The following BRAF variants were observed in gnomAD, a reference collection of about 807,000 sequenced individuals.
BRAF encodes the protein serine/threonine-protein kinase B-raf.
In BRAF, 16 loss-of-function variants were observed where a neutral mutation model predicts 104.6. That is an observed-to-expected ratio of 0.15 (90% CI 0.10 to 0.23). The LOEUF (loss-of-function observed/expected upper bound fraction) is 0.23. BRAF is among the 10% of genes least tolerant of loss of function. The pLI, the probability that BRAF is intolerant of heterozygous loss-of-function variation, is 1.00. For missense variants in BRAF, 541 were observed against 937.3 expected (o/e 0.58, Z 5.52); for synonymous variants, 310 against 341.6 (o/e 0.91, Z 1.02).
chr7:140,775,632 C>G (rs951974243), intron 14 of BRAF, among the ~76,000 whole-genome samples: 1 of 152,138 alleles, frequency 6.6e-6, no homozygotes, highest in African/African-American at 2.4e-5. Context: ...AGCCACTGTG[C>G]CTGGCCAAGA....
chr7:140,861,034 A>T (rs1810362365), intron 1 of BRAF, among the ~76,000 whole-genome samples: 1 of 152,248 alleles, frequency 6.6e-6, no homozygotes, highest in African/African-American at 2.4e-5. Flanking sequence ...ACATCTCAAA[A>T]ACATAATATT....
chr7:140,783,409 T>C (rs1801069152), intron 10 of BRAF: 1 of 365,922 alleles, frequency 2.7e-6, no homozygotes, highest in Non-Finnish European at 4.9e-6. Context: ...CTTTATTTAC[T>C]GGTGCAAAAT....
At chr7:140,782,920 T>C in intron 11 of BRAF, 101 bp downstream of exon 10, 1 of 1,350,216 alleles carries the variant, frequency 7.4e-7, no homozygotes, top group South Asian at 1.3e-5. Context: ...GGGAATTCTG[T>C]GTCACATATG....
chr7:140,808,593 AG>A (rs999001260), intron 4 of BRAF, among the ~76,000 whole-genome samples: 5 of 152,052 alleles, frequency 3.3e-5, no homozygotes, highest in South Asian at 2.1e-4. Flanking sequence ...TAAAAATGGG[AG>A]GGGGGTAAGA....
intron 13 of BRAF, among the ~76,000 whole-genome samples, chr7:140,777,384 G>T (rs1800439148): frequency 6.6e-6 from 1 of 152,152 alleles, no homozygotes; most frequent in South Asian, 2.1e-4. Context: ...CTTTATTTAA[G>T]TGGTTCTGGT....
At chr7:140,755,104 C>T (rs917311687) in intron 14 of BRAF, among the ~76,000 whole-genome samples, 1 of 152,158 alleles carries the variant, frequency 6.6e-6, no homozygotes, top group African/African-American at 2.4e-5. Flanking sequence ...ACCTCCACCT[C>T]CTGGGCTCAA....
chr7:140,856,437 A>G (rs1809789439), intron 1 of BRAF, among the ~76,000 whole-genome samples: 1 of 152,208 alleles, frequency 6.6e-6, no homozygotes, highest in African/African-American at 2.4e-5. Flanking sequence ...AAAGAAATCA[A>G]AGCTAATAAA....
chr7:140,921,236 T>C (rs1466577958), intron 1 of BRAF, among the ~76,000 whole-genome samples: 3 of 152,184 alleles, frequency 2.0e-5, no homozygotes, highest in African/African-American at 7.2e-5. Flanking sequence ...ATTTATACCA[T>C]ACACTATTTC....
chr7:140,896,583 G>A (rs1448771006), intron 1 of BRAF, among the ~76,000 whole-genome samples: 1 of 151,806 alleles, frequency 6.6e-6, no homozygotes, highest in African/African-American at 2.4e-5. Flanking sequence ...AGAAACACAT[G>A]GCCCAGGCGC....
chr7:140,759,751 G>C (rs1798514154), intron 14 of BRAF, among the ~76,000 whole-genome samples: 1 of 152,206 alleles, frequency 6.6e-6, no homozygotes, highest in African/African-American at 2.4e-5. Context: ...GGAGGAACCA[G>C]CTGAGGAGTA....
chr7:140,833,309 G>A lies in BRAF; in HGVS notation c.504+1300C>T, dbSNP rs369874972. ...AGTGGAACCTGGAAGGAACAATACC[G>A]TGATGAAGAGAAGGGAAACGCCTGG... On this transcript the variant is annotated intron_variant, in intron 3 of 19. Transcript: ENST00000644969. Among the ~76,000 whole-genome samples the A allele has an allele frequency of 4.6e-5, 7 of 152,304 alleles. No individual in the cohort carries two copies. In the East Asian group the frequency reaches 9.6e-4, roughly 21 times the overall value.
chr7:140,764,275 T>C (rs964489033), intron 14 of BRAF, among the ~76,000 whole-genome samples: 3 of 151,324 alleles, frequency 2.0e-5, no homozygotes, highest in Non-Finnish European at 2.9e-5. Flanking sequence ...TCTCAATAAA[T>C]TAGGTATTGA....
intron 1 of BRAF, among the ~76,000 whole-genome samples, chr7:140,885,548 C>T (rs1196090869): frequency 6.6e-6 from 1 of 152,140 alleles, no homozygotes; most frequent in Non-Finnish European, 1.5e-5. Context: ...TTCCTTCATA[C>T]CTCTTATTAA....
intron 8 of BRAF, among the ~76,000 whole-genome samples, chr7:140,791,175 C>T (rs1369433162): frequency 3.3e-5 from 5 of 152,070 alleles, no homozygotes; most frequent in African/African-American, 9.7e-5. Flanking sequence ...TCAAGCTATC[C>T]TCTTTTGTCA....
At chr7:140,885,560 A>T (rs1813469236) in intron 1 of BRAF, among the ~76,000 whole-genome samples, 1 of 152,146 alleles carries the variant, frequency 6.6e-6, no homozygotes, top group South Asian at 2.1e-4. Context: ...TCTTATTAAC[A>T]TTTAGTTACA....
intron 14 of BRAF, chr7:140,758,102 A>G (rs1798354771): frequency 6.6e-6 from 1 of 152,228 alleles, no homozygotes; most frequent in South Asian, 2.1e-4. Context: ...GAACTGACCT[A>G]CTTAGACATT....
chr7:140,745,705 T>G (rs1010473183), intron 17 of BRAF, among the ~76,000 whole-genome samples: 2 of 152,228 alleles, frequency 1.3e-5, no homozygotes, highest in Non-Finnish European at 2.9e-5. Flanking sequence ...GAACTGCACA[T>G]GCCATTGAGA....
chr7:140,800,478 C>G lies in BRAF; in HGVS notation c.864G>C (p.Leu288Phe). ...LMCVNYDQLD[L>F]LFVSKFFEHH... ...GTTCAAAGAACTTGGAGACAAACAG[C>G]AAACTGTGAGGCAAAACAAAACAAA... Residue 288 changes from leucine (L) to phenylalanine (F), a missense_variant, in exon 7 of 20, where the codon TTG becomes TTC. Physicochemically the swap from Leu to Phe is conservative, Grantham distance 22 (BLOSUM62 0). Coordinates refer to ENST00000644969, the MANE Select transcript of BRAF (RefSeq NM_001374258.1). The G allele has an allele frequency of 6.2e-7, 1 of 1,614,074 alleles. No individual in the cohort carries two copies. Among genetic ancestry groups the G allele is most frequent in the Non-Finnish European group, 8.5e-7 (1 of 1,179,978 alleles).
Position 140,783,146 on chromosome 7 carries a change from C to T in BRAF, c.1309G>A (p.Gly437Ser). 1 of 1,613,904 alleles carries T rather than the reference C, an allele frequency of 6.2e-7. No homozygotes were observed. ...GAGGCAGGGGGGGTAGCAGACAAAC[C>T]TGTGGTTGATCCTAAATTAGTGAAA... Reference protein sequence around the residue: ...PGPVFRGSTTGLSATPPASLP... With the variant: ...PGPVFRGSTTSLSATPPASLP... The change falls in exon 11 of 20, where the codon GGT (glycine) becomes AGT (serine). Residue 437 changes from glycine (G) to serine (S), a missense_variant. By Grantham distance (56) the Gly-to-Ser change is moderately conservative (BLOSUM62 0). Transcript: ENST00000644969.
Sources: allele counts gnomAD v4.1 joint callset (sites outside exome capture counted in the v4.1 genomes callset), GRCh38; gene constraint gnomAD v4.1.1; transcripts MANE v1.5; gene names NCBI Gene and HGNC (gene_info 2026-07-23, HGNC 2026-07-21).